The following SVIL variants were observed in gnomAD, a reference collection of about 807,000 sequenced individuals.
The protein encoded by SVIL is supervillin, also known as archvillin.
SVIL carries 101 observed loss-of-function variants against 240.4 expected under a neutral mutation model. The ratio of observed to expected loss-of-function variants is 0.42; its 90% CI spans 0.36 to 0.50. SVIL has a LOEUF of 0.50. Ranked by LOEUF, SVIL falls within the 20% of genes least tolerant of loss-of-function variation. SVIL has a pLI of 0.01. For missense variants in SVIL, 2,512 were observed against 2,818.7 expected (o/e 0.89, Z 2.46); for synonymous variants, 999 against 1,100.0 (o/e 0.91, Z 1.82).
In SVIL at chr10:29,532,819, A is replaced by G; in HGVS notation, c.1548T>C (p.Val516=). Residue 516 remains valine, a synonymous_variant, in exon 8 of 38, where the codon GTT becomes GTC. Coordinates refer to ENST00000355867, the MANE Select transcript of SVIL (RefSeq NM_021738.3). ...PTERTGRSEM[V]LYIQSEPVSQ... ...ACACAGGCTCACTTTGAATGTAGAG[A>G]ACCATCTCGCTCCTGCCTGTCCTCT... 6.2e-7 allele frequency: 1 copy of G among 1,614,014 alleles called. No homozygotes were observed. The highest frequency in any genetic ancestry group is 8.5e-7 in the Non-Finnish European group (1 of 1,180,004).
At position 29,486,213 on chromosome 10, in the gene SVIL, C is replaced by T; in HGVS notation, c.4651G>A (p.Glu1551Lys). The T allele has an allele frequency of 6.2e-7, 1 of 1,614,186 alleles. No individual in the cohort carries two copies. Among genetic ancestry groups the T allele is most frequent in the Non-Finnish European group, 8.5e-7 (1 of 1,180,032 alleles). The change falls in exon 26 of 38, where the codon GAA becomes AAA. Residue 1551 changes from glutamate (E) to lysine (K), a missense_variant. Coordinates refer to ENST00000355867, the MANE Select transcript of SVIL (RefSeq NM_021738.3). Reference protein sequence around the residue: ...TSYQSAGDPKEDELYEAAIIE... With the variant: ...TSYQSAGDPKKDELYEAAIIE... ...ATGGCTGCTTCATAGAGTTCATCTT[C>T]TTTTGGGTCTCCAGCAGCTTGGGGA...
intron 35 of SVIL, among the ~76,000 whole-genome samples, chr10:29,462,771 T>C (rs988835980): frequency 1.1e-4 from 16 of 152,328 alleles, no homozygotes; most frequent in African/African-American, 3.1e-4. Context: ...CCATAATGAC[T>C]GACGGCGAAC....
intron 7 of SVIL, 67 bp downstream of exon 7, chr10:29,535,922 A>G: frequency 2.0e-6 from 3 of 1,520,036 alleles, no homozygotes; most frequent in Non-Finnish European, 2.7e-6. Flanking sequence ...GTGTTAGCTG[A>G]TGTGTGGTCA....
chr10:29,687,810 C>G (rs967698435), intron 1 of SVIL, among the ~76,000 whole-genome samples: 8 of 152,228 alleles, frequency 5.3e-5, no homozygotes, highest in African/African-American at 1.7e-4. Context: ...AGCCACAGGT[C>G]TGTCTATGGC....
intron 12 of SVIL, among the ~76,000 whole-genome samples, chr10:29,527,628 T>C (rs1003505995): frequency 1.6e-4 from 24 of 151,634 alleles, no homozygotes; most frequent in African/African-American, 5.6e-4. Context: ...GGTTTCACCA[T>C]GTTGGCCAGG....
At chr10:29,696,180 C>A (rs1961973272) in intron 1 of SVIL, among the ~76,000 whole-genome samples, 1 of 151,916 alleles carries the variant, frequency 6.6e-6, no homozygotes, top group Non-Finnish European at 1.5e-5. Flanking sequence ...TCTCCAGCTC[C>A]TAGCCGCGAG....
At chr10:29,483,052 T>C (rs1321220859) in intron 27 of SVIL, 2 of 152,252 alleles carry the variant, frequency 1.3e-5, no homozygotes, top group Non-Finnish European at 1.5e-5. Context: ...CATGCTCTTA[T>C]GGGACTTTAG....
At chr10:29,668,802 T>A (rs941080976) in intron 2 of SVIL, among the ~76,000 whole-genome samples, 2 of 152,156 alleles carry the variant, frequency 1.3e-5, no homozygotes, top group African/African-American at 4.8e-5. Flanking sequence ...GACCGTCAAA[T>A]GGCAAACCTT....
chr10:29,569,742 G>C (rs1297612878), intron 1 of SVIL, among the ~76,000 whole-genome samples: 1 of 152,224 alleles, frequency 6.6e-6, no homozygotes, highest in Non-Finnish European at 1.5e-5. Flanking sequence ...TGCCTTTAAA[G>C]AATGGGGGTG....
rs76981168 is a variant in SVIL, at chr10:29,720,028, T to G, written c.-400+15723A>C. Among the ~76,000 whole-genome samples, 598 of 152,218 alleles carry G rather than the reference T, an allele frequency of 3.9e-3. 5 individuals are homozygous for G. The highest frequency in any genetic ancestry group is 0.014 in the African/African-American group (575 of 41,534). On this transcript the variant is annotated intron_variant, in intron 1 of 35. Transcript: ENST00000375400. ...ATATCAAAGCACATTGCAAATTGCT[T>G]AAAACCAGGAACAAACAAAACATCT...
At chr10:29,543,940 T>C (rs1159546779) in intron 6 of SVIL, among the ~76,000 whole-genome samples, 15 of 152,188 alleles carry the variant, frequency 9.9e-5, no homozygotes, top group Admixed American at 9.8e-4. Context: ...TTTAGGTGTG[T>C]GTATCAGAAC....
chr10:29,491,514 C>T (rs1335138730), intron 21 of SVIL, among the ~76,000 whole-genome samples: 1 of 152,212 alleles, frequency 6.6e-6, no homozygotes. Flanking sequence ...CTTACTGACC[C>T]TCCATGACTA....
At chr10:29,461,450 T>C (rs1944253458) in intron 36 of SVIL, among the ~76,000 whole-genome samples, 3 of 152,150 alleles carry the variant, frequency 2.0e-5, no homozygotes, top group Non-Finnish European at 4.4e-5. Flanking sequence ...TCTCCATTGC[T>C]AAGCAGAAGT....
intron 1 of SVIL, among the ~76,000 whole-genome samples, chr10:29,577,958 A>G (rs1256464619): frequency 6.6e-6 from 1 of 152,184 alleles, no homozygotes; most frequent in East Asian, 1.9e-4. Flanking sequence ...AATAATTAAT[A>G]TTGTTAAAGT....
chr10:29,574,528 T>G (rs1301887673), intron 1 of SVIL, among the ~76,000 whole-genome samples: 2 of 152,190 alleles, frequency 1.3e-5, no homozygotes, highest in Non-Finnish European at 2.9e-5. Context: ...TGGACCCTGG[T>G]AAGACTGGAG....
chr10:29,649,748 T>C (rs1241585806), intron 3 of SVIL, among the ~76,000 whole-genome samples: 2 of 152,210 alleles, frequency 1.3e-5, no homozygotes, highest in Admixed American at 6.5e-5. Flanking sequence ...CCTAGTCATG[T>C]GCTCAAAATA....
At chr10:29,733,169 G>T (rs1964714903) in intron 1 of SVIL, among the ~76,000 whole-genome samples, 1 of 152,204 alleles carries the variant, frequency 6.6e-6, no homozygotes, top group Non-Finnish European at 1.5e-5. Context: ...GATGAGGGGA[G>T]GAAGGGAAGG....
chr10:29,536,317 C>T (rs1951739546), intron 6 of SVIL, among the ~76,000 whole-genome samples: 1 of 152,082 alleles, frequency 6.6e-6, no homozygotes, highest in Non-Finnish European at 1.5e-5. Flanking sequence ...TGCTTATTAC[C>T]TGGGTGACAA....
At chr10:29,633,019 G>A (rs1247830702) in intron 1 of SVIL, among the ~76,000 whole-genome samples, 1 of 152,092 alleles carries the variant, frequency 6.6e-6, no homozygotes. Context: ...GGATCACGAG[G>A]TCAGGAGTTC....
Sources: gnomAD v4.1 joint callset for allele counts (sites outside exome capture counted in the v4.1 genomes callset) on GRCh38, gnomAD v4.1.1 for gene constraint, MANE v1.5 for transcripts, NCBI Gene and HGNC (gene_info 2026-07-23, HGNC 2026-07-21) for gene names.